The following MYO1B variants were observed in gnomAD, a reference collection of about 807,000 sequenced individuals.
MYO1B encodes myosin IB, also known as unconventional myosin-Ib.
Under a neutral mutation model 159.7 loss-of-function variants are expected in MYO1B, and 72 were observed. That is an observed-to-expected ratio of 0.45 (90% confidence interval 0.37 to 0.55). The LOEUF is 0.55. Ranked by LOEUF, MYO1B falls within the 20% of genes least tolerant of loss-of-function variation. The pLI, the probability that MYO1B is intolerant of heterozygous loss-of-function variation, is 0.00. For missense variants in MYO1B, 1,062 were observed against 1,364.8 expected (o/e 0.78, Z 3.50); for synonymous variants, 468 against 473.8 (o/e 0.99, Z 0.16).
chr2:191,401,209 C>G (rs1390113370), intron 23 of MYO1B, among the ~76,000 whole-genome samples: 1 of 151,782 alleles, frequency 6.6e-6, no homozygotes, highest in Non-Finnish European at 1.5e-5. Flanking sequence ...CAAGTTTGGG[C>G]TTCAGTCGGT....
At chr2:191,399,804 A>G (rs929373168) in intron 21 of MYO1B, among the ~76,000 whole-genome samples, 1 of 152,184 alleles carries the variant, frequency 6.6e-6, no homozygotes, top group Non-Finnish European at 1.5e-5. Context: ...CCTTGGCCTC[A>G]TGGCTGGACC....
intron 3 of MYO1B, among the ~76,000 whole-genome samples, chr2:191,309,162 C>T (rs1432688104): frequency 6.6e-6 from 1 of 152,226 alleles, no homozygotes; most frequent in Non-Finnish European, 1.5e-5. Context: ...CACACCTTAG[C>T]ACGCTTCAAA....
intron 3 of MYO1B, among the ~76,000 whole-genome samples, chr2:191,298,722 C>G (rs536907530): frequency 2.0e-5 from 3 of 152,248 alleles, no homozygotes; most frequent in African/African-American, 7.2e-5. Flanking sequence ...CTATTCTGCT[C>G]TAAATACTTT....
At chr2:191,373,647 C>T (rs553387936) in intron 13 of MYO1B, among the ~76,000 whole-genome samples, 21 of 152,230 alleles carry the variant, frequency 1.4e-4, no homozygotes, top group African/African-American at 5.1e-4. Context: ...TGGTAGCTTG[C>T]GCCTGTAGTC....
At chr2:191,402,122 T>C (rs1247099462) in intron 23 of MYO1B, 1 of 152,424 alleles carries the variant, frequency 6.6e-6, no homozygotes, top group Admixed American at 6.5e-5. Flanking sequence ...TTGTTTGCAC[T>C]TCAGAGAAAT....
At chr2:191,264,435 T>C (rs1687004870) in intron 1 of MYO1B, among the ~76,000 whole-genome samples, 1 of 152,138 alleles carries the variant, frequency 6.6e-6, no homozygotes, top group Non-Finnish European at 1.5e-5. Context: ...GTGATGCATA[T>C]TTTTTCCCCT....
intron 3 of MYO1B, among the ~76,000 whole-genome samples, chr2:191,328,320 G>A (rs1296446771): frequency 6.6e-6 from 1 of 152,108 alleles, no homozygotes; most frequent in African/African-American, 2.4e-5. Flanking sequence ...TGATCTACTT[G>A]GCCAAATATA....
intron 4 of MYO1B, among the ~76,000 whole-genome samples, chr2:191,335,335 A>G (rs2125931751): frequency 6.6e-6 from 1 of 152,294 alleles, no homozygotes; most frequent in East Asian, 1.9e-4. Flanking sequence ...GTGGTACAAA[A>G]ACTGCTTAAT....
At chr2:191,309,694 A>G (rs1235970838) in intron 3 of MYO1B, among the ~76,000 whole-genome samples, 1 of 152,204 alleles carries the variant, frequency 6.6e-6, no homozygotes, top group African/African-American at 2.4e-5. Context: ...CTTGTACCAT[A>G]GAGGGGCTGA....
At chr2:191,389,845 CA>C (rs1271573391) in intron 17 of MYO1B, among the ~76,000 whole-genome samples, 2 of 152,158 alleles carry the variant, frequency 1.3e-5, no homozygotes, top group Non-Finnish European at 2.9e-5. Context: ...CCATCCAGAC[CA>C]AGTGGTAAAA....
chr2:191,339,230 G>T (rs1266786381), intron 4 of MYO1B, among the ~76,000 whole-genome samples: 2 of 152,166 alleles, frequency 1.3e-5, no homozygotes, highest in Non-Finnish European at 2.9e-5. Flanking sequence ...AAATTGAAAG[G>T]CAGAGAGCCT....
At chr2:191,299,072 A>C (rs866438866) in intron 3 of MYO1B, among the ~76,000 whole-genome samples, 19 of 152,084 alleles carry the variant, frequency 1.2e-4, no homozygotes, top group African/African-American at 4.3e-4. Flanking sequence ...CCATTCTGGG[A>C]ATGTTTAGAT....
At chr2:191,419,792 TAAA>T (rs200187852) in intron 30 of MYO1B, among the ~76,000 whole-genome samples, 1 of 151,810 alleles carries the variant, frequency 6.6e-6, no homozygotes, top group East Asian at 1.9e-4. Flanking sequence ...AAAGTAAAAA[TAAA>T]AAAAATTAAA....
At chr2:191,248,069 A>G (rs749368954) in intron 1 of MYO1B, 16 of 974,390 alleles carry the variant, frequency 1.6e-5, no homozygotes, top group Non-Finnish European at 1.8e-5. Flanking sequence ...TGTTTTTAGC[A>G]TTTGTCCTCC....
intron 9 of MYO1B, 99 bp from the exon 10 acceptor site, chr2:191,363,629 G>A (rs1280954922): frequency 2.0e-5 from 28 of 1,433,256 alleles, no homozygotes; most frequent in Non-Finnish European, 2.6e-5. Context: ...TCTTTTATGG[G>A]TTTTTTTCCC....
chr2:191,409,053 T>C lies in MYO1B; in HGVS notation c.2641T>C (p.Tyr881His), dbSNP rs1452035565. ...EFTLQRIVQK[Y>H]FLEMKNKMPS... is the part of the protein sequence containing the mutation. ...TGTCAACCCAACACAGGTGCAAAAA[T>C]ACTTCTTGGAAATGAAAAATAAGAT... The change falls in exon 26 of 31, where the codon TAC becomes CAC. Residue 881 changes from tyrosine to histidine, a missense_variant. Physicochemically the swap from Tyr to His is moderately conservative, Grantham distance 83. Coordinates refer to ENST00000392318, the MANE Select transcript of MYO1B (RefSeq NM_001130158.3). 1 of 1,609,608 alleles carries C rather than the reference T, an allele frequency of 6.2e-7. No individual in the cohort carries two copies. Among genetic ancestry groups the C allele is most frequent in the South Asian group, 1.1e-5 (1 of 89,346 alleles).
rs982400390 is a variant in MYO1B, at chr2:191,257,113, C to T, written c.-10+11487C>T. Among the ~76,000 whole-genome samples the T allele has an allele frequency of 9.9e-5, 15 of 152,164 alleles. No homozygotes were observed. The South Asian group carries it at 1.9e-3, about 19-fold the overall frequency. On this transcript the variant is annotated intron_variant, in intron 1 of 30. Transcript: ENST00000392318. ...CCTACTGTCATGCAGAAATTATGCA[C>T]CCATTTATTCAATTCAAAATAAAGC...
intron 2 of MYO1B, among the ~76,000 whole-genome samples, chr2:191,292,326 C>T (rs1241325055): frequency 6.6e-6 from 1 of 152,110 alleles, no homozygotes; most frequent in Non-Finnish European, 1.5e-5. Context: ...ACACAGCCCT[C>T]CTTGGGAGAT....
chr2:191,256,777 A>G (rs1037883406), intron 1 of MYO1B, among the ~76,000 whole-genome samples: 1 of 152,194 alleles, frequency 6.6e-6, no homozygotes, highest in African/African-American at 2.4e-5. Context: ...GACAGGAGAG[A>G]GTGAGAAGCC....
Sources: allele counts gnomAD v4.1 joint callset (sites outside exome capture counted in the v4.1 genomes callset), GRCh38; gene constraint gnomAD v4.1.1; transcripts MANE v1.5; gene names NCBI Gene and HGNC (gene_info 2026-07-23, HGNC 2026-07-21).